Variants in ZFHX3 observed in about 807,000 individuals in gnomAD.
The protein encoded by ZFHX3 is zinc finger homeobox 3.
ZFHX3 carries 42 observed loss-of-function variants against 279.1 expected under a neutral mutation model. That is an observed-to-expected ratio of 0.15 (90% CI 0.12 to 0.19). ZFHX3 has a LOEUF of 0.19. Among genes scored for constraint, ZFHX3 ranks in the 10% least tolerant of loss-of-function variants. The pLI, the probability that ZFHX3 is intolerant of heterozygous loss-of-function variation, is 1.00. For synonymous variants in ZFHX3, 2,293 were observed against 1,957.8 expected, an observed-to-expected ratio of 1.17 and a Z score of -4.52; for missense variants, 4,981 against 4,754.0, an observed-to-expected ratio of 1.05 and a Z score of -1.40.
chr16:73,751,800 C>T (rs2053764736), intron 1 of ZFHX3, among the ~76,000 whole-genome samples: 1 of 152,166 alleles, frequency 6.6e-6, no homozygotes, highest in Admixed American at 6.5e-5. Context: ...GACACTTCCT[C>T]AGATCCAGCC....
chr16:73,576,637 C>A (rs2051802497), intron 2 of ZFHX3, among the ~76,000 whole-genome samples: 1 of 152,012 alleles, frequency 6.6e-6, no homozygotes. Flanking sequence ...ACATGTATGT[C>A]CCAAAGCAGA....
chr16:73,540,468 A>G (rs2019991768), intron 2 of ZFHX3, among the ~76,000 whole-genome samples: 2 of 152,166 alleles, frequency 1.3e-5, no homozygotes, highest in South Asian at 4.1e-4. Context: ...AAAATCTCCT[A>G]AGAGAATCTA....
chr16:73,145,728 G>T (rs1178321127), intron 5 of ZFHX3, among the ~76,000 whole-genome samples: 1 of 152,230 alleles, frequency 6.6e-6, no homozygotes, highest in African/African-American at 2.4e-5. Flanking sequence ...AGCTATGAGA[G>T]GTGATACCGT....
At chr16:72,904,722 G>A (rs973848628) in intron 3 of ZFHX3, among the ~76,000 whole-genome samples, 1 of 152,092 alleles carries the variant, frequency 6.6e-6, no homozygotes, top group African/African-American at 2.4e-5. Flanking sequence ...TGGCACCTGC[G>A]CCTGGAAGGC....
At chr16:72,854,871 T>A (rs897473432) in intron 4 of ZFHX3, among the ~76,000 whole-genome samples, 1 of 121,410 alleles carries the variant, frequency 8.2e-6, no homozygotes, top group African/African-American at 3.2e-5. Flanking sequence ...CTGGCATAAT[T>A]AGTGTCAAAA....
intron 1 of ZFHX3, among the ~76,000 whole-genome samples, chr16:72,985,168 C>T (rs1037251276): frequency 2.0e-5 from 3 of 152,142 alleles, no homozygotes; most frequent in African/African-American, 7.2e-5. Context: ...CAGCTGCTCT[C>T]CTAAACTGTC....
intron 2 of ZFHX3, among the ~76,000 whole-genome samples, chr16:73,594,990 A>G (rs1336843829): frequency 1.3e-5 from 2 of 152,080 alleles, no homozygotes; most frequent in Non-Finnish European, 2.9e-5. Context: ...TATCCTGGAG[A>G]AGTCCCTGCA....
chr16:73,136,725 C>CAA (rs397855836), intron 6 of ZFHX3, among the ~76,000 whole-genome samples: 892 of 41,342 alleles, frequency 0.022, 35 homozygotes, highest in African/African-American at 0.042. Flanking sequence ...GACTCTGCCT[C>CAA]AAAAAAAAAA....
chr16:73,682,641 G>A (rs1329374859), intron 1 of ZFHX3, among the ~76,000 whole-genome samples: 2 of 151,670 alleles, frequency 1.3e-5, no homozygotes, highest in Admixed American at 6.6e-5. Flanking sequence ...CAAAAAATGA[G>A]CCGGTCATGG....
At chr16:72,877,680 A>G (rs931210564) in intron 4 of ZFHX3, among the ~76,000 whole-genome samples, 6 of 152,302 alleles carry the variant, frequency 3.9e-5, no homozygotes, top group South Asian at 2.1e-4. Context: ...TTTTTAGAAA[A>G]AAAACTTCTG....
intron 4 of ZFHX3, among the ~76,000 whole-genome samples, chr16:73,303,212 G>A (rs923226916): frequency 1.3e-5 from 2 of 152,042 alleles, no homozygotes; most frequent in African/African-American, 4.8e-5. Flanking sequence ...AATTTTATTA[G>A]GGATGGGGTC....
At chr16:73,259,437 A>G (rs539978749) in intron 4 of ZFHX3, among the ~76,000 whole-genome samples, 5 of 152,238 alleles carry the variant, frequency 3.3e-5, no homozygotes, top group South Asian at 4.1e-4. Context: ...CTTAACCACT[A>G]CTCTTACTGT....
chr16:73,263,932 C>T (rs1316367524), intron 4 of ZFHX3, among the ~76,000 whole-genome samples: 3 of 152,078 alleles, frequency 2.0e-5, no homozygotes, highest in Non-Finnish European at 2.9e-5. Flanking sequence ...TTTGGGAGGC[C>T]CAGGAGGGCA....
chr16:73,589,882 C>G (rs2051976109), intron 2 of ZFHX3, among the ~76,000 whole-genome samples: 2 of 151,354 alleles, frequency 1.3e-5, no homozygotes, highest in Non-Finnish European at 2.9e-5. Flanking sequence ...ACAAGGGACG[C>G]TAACTGTGTA....
chr16:73,514,244 T>A (rs2019483277), intron 2 of ZFHX3, among the ~76,000 whole-genome samples: 1 of 151,076 alleles, frequency 6.6e-6, no homozygotes, highest in Non-Finnish European at 1.5e-5. Flanking sequence ...CAAGACTCCG[T>A]CTCAAAAAAA....
chr16:72,802,621 G>T (rs2143509325), intron 7 of ZFHX3, among the ~76,000 whole-genome samples: 1 of 152,320 alleles, frequency 6.6e-6, no homozygotes, highest in East Asian at 1.9e-4. Context: ...CAAAGAGGAA[G>T]ATTCCTAAAG....
chr16:73,066,415 C>A (rs1410178403), intron 8 of ZFHX3, among the ~76,000 whole-genome samples: 1 of 152,216 alleles, frequency 6.6e-6, no homozygotes, highest in Non-Finnish European at 1.5e-5. Context: ...ACACCCATCT[C>A]CATTTCGGGA....
chr16:72,928,774 A>G (rs922856233), intron 3 of ZFHX3, among the ~76,000 whole-genome samples: 23 of 152,236 alleles, frequency 1.5e-4, no homozygotes, highest in African/African-American at 5.5e-4. Flanking sequence ...CAACCTGGGC[A>G]ACACAGCAAG....
intron 7 of ZFHX3, among the ~76,000 whole-genome samples, chr16:73,095,605 T>C (rs991047392): frequency 2.6e-5 from 4 of 152,250 alleles, no homozygotes; most frequent in African/African-American, 9.6e-5. Context: ...AGACCTTACG[T>C]GAAAGTACGC....
Sources: gnomAD v4.1 joint callset for allele counts (sites outside exome capture counted in the v4.1 genomes callset) on GRCh38, gnomAD v4.1.1 for gene constraint, MANE v1.5 for transcripts, NCBI Gene and HGNC (gene_info 2026-07-23, HGNC 2026-07-21) for gene names.